Variants in APOBEC3F observed in about 807,000 individuals in gnomAD.
The protein encoded by APOBEC3F is DNA dC->dU-editing enzyme APOBEC-3F.
Under a neutral mutation model 45.8 loss-of-function variants are expected in APOBEC3F, and 34 were observed. The ratio of observed to expected loss-of-function variants is 0.74; its 90% confidence interval spans 0.57 to 0.99. The LOEUF is 0.99. Ranked by LOEUF, APOBEC3F falls within the 50% of genes least tolerant of loss-of-function variation. APOBEC3F has a pLI of 0.00. For missense variants in APOBEC3F, 459 were observed against 474.1 expected, an observed-to-expected ratio of 0.97 and a Z score of 0.30; for synonymous variants, 192 against 174.4, an observed-to-expected ratio of 1.10 and a Z score of -0.80.
intron 2 of APOBEC3F, chr22:39,044,396 T>G: frequency 7.3e-7 from 1 of 1,376,400 alleles, no homozygotes; most frequent in Non-Finnish European, 9.4e-7. Flanking sequence ...TGGGGACATT[T>G]ACAATAAACA....
chr22:39,049,551 C>T lies in APOBEC3F; in HGVS notation c.693C>T (p.Val231=), dbSNP rs34578066. Residue 231 remains valine, a synonymous_variant, in exon 5 of 7, where the codon GTC becomes GTT. Coordinates refer to ENST00000308521, the MANE Select transcript of APOBEC3F (RefSeq NM_145298.6). ...TMEVVKHHSP[V]SWKRGVFRNQ... ...AAGTTGTAAAGCACCACTCACCTGT[C>T]TCCTGGAAGAGGGGCGTCTTCCGAA... 18 of 1,614,116 alleles carry T rather than the reference C, an allele frequency of 1.1e-5. No individual in the cohort carries two copies. Among genetic ancestry groups the T allele is most frequent in the Non-Finnish European group, 1.2e-5 (14 of 1,180,020 alleles).
chr22:39,045,251 G>C, intron 3 of APOBEC3F, 31 bp downstream of exon 3: 1 of 1,609,118 alleles, frequency 6.2e-7, no homozygotes, highest in Non-Finnish European at 8.5e-7. Context: ...GGGAGCGTGA[G>C]CGGGAGGAAC....
rs551409464 is a variant in APOBEC3F at position 39,044,804 on chromosome 22, CAG to C, written c.172-136_172-135del. ...GGAGCAGACAATCACTCAAACTAAACAGGGGGGATGGAGGAAAGGAGCTTCAA... is the reference window on the plus strand; with the variant it reads ...GGAGCAGACAATCACTCAAACTAAACGGGGGATGGAGGAAAGGAGCTTCAA... On this transcript the variant is annotated intron_variant, in intron 2 of 6. Transcript: ENST00000308521. 524 of 818,710 alleles carry C rather than the reference CAG, an allele frequency of 6.4e-4. 2 individuals carry two copies. The highest frequency in any genetic ancestry group is 5.2e-3 in the East Asian group (191 of 37,072). 50.7% of individuals were successfully genotyped at this position (818,710 alleles called of 1,614,324 possible).
In APOBEC3F at chr22:39,049,410, C is replaced by T. The variant is rs1294715694; in HGVS notation, c.567-15C>T. 6.2e-7 allele frequency: 1 copy of T among 1,613,442 alleles called. No homozygotes were observed. Among genetic ancestry groups the T allele is most frequent in the East Asian group, 2.2e-5 (1 of 44,870 alleles). On this transcript the variant is annotated splice_polypyrimidine_tract_variant and intron_variant, in intron 4 of 6. Coordinates refer to ENST00000308521, the MANE Select transcript of APOBEC3F (RefSeq NM_145298.6). The stretch of plus-strand genomic sequence containing the variant: ...GGGGGGTCTCTGCATTGGGGTTTCT[C>T]TATTGTGCCTTCAGAAACCCGATGG...
intron 5 of APOBEC3F, among the ~76,000 whole-genome samples, 180 bp downstream of exon 5, chr22:39,049,761 G>C (rs1300978385): frequency 1.3e-5 from 2 of 148,460 alleles, no homozygotes; most frequent in Non-Finnish European, 3.0e-5. Flanking sequence ...GTGCAATGGC[G>C]TGATCTCTGC....
At position 39,049,547 on chromosome 22, in the gene APOBEC3F, C is replaced by T. The variant is rs1187013130; in HGVS notation, c.689C>T (p.Pro230Leu). ...FTMEVVKHHSPVSWKRGVFRN... is the reference protein window; with the variant it reads ...FTMEVVKHHSLVSWKRGVFRN... Reference sequence around the variant, plus strand: ...ATGGAAGTTGTAAAGCACCACTCACCTGTCTCCTGGAAGAGGGGCGTCTTC... The same window carrying T: ...ATGGAAGTTGTAAAGCACCACTCACTTGTCTCCTGGAAGAGGGGCGTCTTC... The change falls in exon 5 of 7, where the codon CCT becomes CTT. Residue 230 changes from proline (P) to leucine (L), a missense_variant. Pro to Leu is a moderately conservative substitution (Grantham distance 98). Coordinates refer to ENST00000308521, the MANE Select transcript of APOBEC3F (RefSeq NM_145298.6). 7 of 1,614,086 alleles carry T rather than the reference C, an allele frequency of 4.3e-6. No individual in the cohort carries two copies. Among genetic ancestry groups the T allele is most frequent in the Non-Finnish European group, 5.1e-6 (6 of 1,180,018 alleles).
chr22:39,047,951 G>T (rs1280830092), intron 4 of APOBEC3F, among the ~76,000 whole-genome samples: 4 of 152,140 alleles, frequency 2.6e-5, no homozygotes, highest in Non-Finnish European at 1.5e-5. Flanking sequence ...GAGAGGATGT[G>T]GGGGAGGGAA....
At chr22:39,046,889 C>G (rs1927250981) in intron 4 of APOBEC3F, among the ~76,000 whole-genome samples, 2 of 152,086 alleles carry the variant, frequency 1.3e-5, no homozygotes, top group Non-Finnish European at 2.9e-5. Context: ...ATGCCAGGAG[C>G]TCTCCAGGAA....
chr22:39,052,362 T>G lies in APOBEC3F; in HGVS notation c.1003+9T>G. 6.2e-7 allele frequency: 1 copy of G among 1,613,050 alleles called. No homozygotes were observed. Among genetic ancestry groups the G allele is most frequent in the Non-Finnish European group, 8.5e-7 (1 of 1,179,250 alleles). The stretch of plus-strand genomic sequence containing the variant: ...GATCATGGGCTACAAAGGTGAGACG[T>G]TGGGGGGCTGAGGAGAGTGGGTGCG... On this transcript the variant is annotated intron_variant, in intron 6 of 6. Coordinates refer to ENST00000308521, the MANE Select transcript of APOBEC3F (RefSeq NM_145298.6).
chr22:39,042,834 G>C, intron 1 of APOBEC3F, 103 bp from the exon 2 acceptor site: 1 of 1,515,712 alleles, frequency 6.6e-7, no homozygotes, highest in Non-Finnish European at 8.9e-7. Context: ...GGAGGGGTTG[G>C]GGAGGCCCAG....
intron 5 of APOBEC3F, 22 bp downstream of exon 5, chr22:39,049,603 C>T: frequency 6.2e-7 from 1 of 1,612,920 alleles, no homozygotes; most frequent in Non-Finnish European, 8.5e-7. Context: ...GTCCTATTTA[C>T]ACCCCAAATA....
rs762504355 is a variant in APOBEC3F, at chr22:39,045,450, CTT to C, written c.476_477del (p.Phe159CysfsTer4). ...CAGAATTTGCATACTGCTGGGAAAA[CTT>C]TGTGTACAGTGAAGGTCAGCCATTC... ...DEEFAYCWEN[F>X]VYSEGQPFMP... On this transcript the variant is annotated frameshift_variant, in exon 4 of 7. Transcript: ENST00000308521. LOFTEE classifies it high-confidence loss of function. The C allele has an allele frequency of 4.3e-6, 7 of 1,614,046 alleles. No homozygotes were observed. The East Asian group carries it at 6.7e-5, about 15-fold the overall frequency.
chr22:39,044,570 T>C (rs1927105486), intron 2 of APOBEC3F: 1 of 539,154 alleles, frequency 1.9e-6, no homozygotes, highest in Non-Finnish European at 3.1e-6. Context: ...TCACTGCTGC[T>C]CCATGCCACG....
At chr22:39,052,538 C>T (rs1927547264) in intron 6 of APOBEC3F, 39 bp from the exon 7 acceptor site, 14 of 1,593,312 alleles carry the variant, frequency 8.8e-6, no homozygotes, top group South Asian at 2.3e-5. Context: ...GGAGAGAAGC[C>T]TGCTGGGCCC....
At chr22:39,041,114 C>A in intron 1 of APOBEC3F, 137 bp downstream of exon 1, 1 of 1,436,162 alleles carries the variant, frequency 7.0e-7, no homozygotes, top group Non-Finnish European at 9.4e-7. Context: ...CCTGCCCCCG[C>A]CACTCCCAGC....
chr22:39,052,388 G>A (rs1927536874), intron 6 of APOBEC3F, 35 bp downstream of exon 6: 1 of 1,609,686 alleles, frequency 6.2e-7, no homozygotes, highest in Non-Finnish European at 8.5e-7. Context: ...AGTGGGTGCG[G>A]GAGGGACAGC....
chr22:39,043,732 A>G (rs1408087063), intron 2 of APOBEC3F, among the ~76,000 whole-genome samples: 4 of 151,852 alleles, frequency 2.6e-5, no homozygotes, highest in African/African-American at 9.7e-5. Context: ...TGAGCTGTGT[A>G]GGCCACGCTT....
At chr22:39,045,243 G>A in intron 3 of APOBEC3F, 23 bp downstream of exon 3, 1 of 1,611,272 alleles carries the variant, frequency 6.2e-7, no homozygotes, top group South Asian at 1.1e-5. Flanking sequence ...GGGGTCAGGG[G>A]AGCGTGAGCG....
chr22:39,041,397 C>T (rs1926884166), intron 1 of APOBEC3F, among the ~76,000 whole-genome samples: 1 of 152,102 alleles, frequency 6.6e-6, no homozygotes, highest in Non-Finnish European at 1.5e-5. Flanking sequence ...ATTTACTTTG[C>T]TTAAATAGCA....
Sources: gnomAD v4.1 joint callset for allele counts (sites outside exome capture counted in the v4.1 genomes callset) on GRCh38, gnomAD v4.1.1 for gene constraint, MANE v1.5 for transcripts, NCBI Gene and HGNC (gene_info 2026-07-23, HGNC 2026-07-21) for gene names.